PER2: variants seen among roughly 807,000 people sequenced by gnomAD.
PER2 encodes period circadian protein homolog 2.
A neutral mutation model predicts 121.0 loss-of-function variants in PER2; 66 were observed. That is an observed-to-expected ratio of 0.55 (90% confidence interval 0.45 to 0.67). PER2 has a LOEUF of 0.67. PER2 is among the 30% of genes least tolerant of loss of function. PER2 has a pLI of 0.00. For missense variants in PER2, 1,521 were observed against 1,635.0 expected, an observed-to-expected ratio of 0.93 and a Z score of 1.20; for synonymous variants, 684 against 659.9, an observed-to-expected ratio of 1.04 and a Z score of -0.56.
intron 1 of PER2, 59 bp downstream of exon 1, chr2:238,288,290 G>T (rs1685538538): frequency 6.6e-6 from 1 of 152,278 alleles, no homozygotes. Flanking sequence ...AATCGCCCAC[G>T]GAACCGCAGC....
chr2:238,262,897 G>A, intron 10 of PER2, 55 bp downstream of exon 10: 1 of 1,230,670 alleles, frequency 8.1e-7, no homozygotes, highest in South Asian at 1.2e-5. Flanking sequence ...GCAGCCCCAA[G>A]GACACAGGAA....
At position 238,260,894 on chromosome 2, in the gene PER2, C is replaced by G. The variant is rs1323067610; in HGVS notation, c.1476G>C (p.Glu492Asp). Residue 492 changes from glutamate (E) to aspartate (D), a missense_variant, in exon 13 of 23, where the codon GAG becomes GAC. By Grantham distance (45) the Glu-to-Asp change is conservative (BLOSUM62 2). Coordinates refer to ENST00000254657, the MANE Select transcript of PER2 (RefSeq NM_022817.3). ...YGSLGSNGSH[E>D]HLMSQTSSSD... is the part of the protein sequence containing the mutation. ...TGGAGGAGGTCTGGCTCATAAGGTG[C>G]TCGTGGGACCCGTTGCTGCCCAGAC... 1 of 1,613,826 alleles carries G rather than the reference C, an allele frequency of 6.2e-7. No individual in the cohort carries two copies.
In PER2 at chr2:238,255,771, T is replaced by C. The variant is rs780785126; in HGVS notation, c.2206A>G (p.Lys736Glu). Reference sequence around the variant, plus strand: ...TTCTGCAGGAAGCTCTGCTCCTCCTTCTGTGTGTGTGCAGCGAGTACCTCC... The same window carrying C: ...TTCTGCAGGAAGCTCTGCTCCTCCTCCTGTGTGTGTGCAGCGAGTACCTCC... ...TKEVLAAHTQ[K>E]EEQSFLQKFK... Residue 736 changes from lysine (K) to glutamate (E), a missense_variant, in exon 18 of 23, where the codon AAG becomes GAG. Physicochemically the swap from Lys to Glu is moderately conservative, Grantham distance 56. Coordinates refer to ENST00000254657, the MANE Select transcript of PER2 (RefSeq NM_022817.3). 3 of 1,614,222 alleles carry C rather than the reference T, an allele frequency of 1.9e-6. No individual in the cohort carries two copies. Among genetic ancestry groups the C allele is most frequent in the East Asian group, 2.2e-5 (1 of 44,886 alleles).
chr2:238,262,452 A>G (rs1695965101), intron 10 of PER2, 108 bp from the exon 11 acceptor site: 1 of 1,066,784 alleles, frequency 9.4e-7, no homozygotes, highest in Non-Finnish European at 1.4e-6. Flanking sequence ...TGCAAACTGT[A>G]GGGGTATGAA....
chr2:238,259,336 G>A (rs550315548), intron 14 of PER2, among the ~76,000 whole-genome samples: 8 of 152,346 alleles, frequency 5.3e-5, no homozygotes, highest in African/African-American at 1.7e-4. Context: ...GTGTGCACAC[G>A]TGTCTGTGTG....
intron 1 of PER2, among the ~76,000 whole-genome samples, chr2:238,281,980 C>T (rs1298210997): frequency 6.6e-6 from 1 of 152,202 alleles, no homozygotes; most frequent in African/African-American, 2.4e-5. Context: ...AGGAGCCAGC[C>T]TCCAATTCCA....
At chr2:238,247,571 G>C (rs1695481966) in intron 22 of PER2, 1 of 152,334 alleles carries the variant, frequency 6.6e-6, no homozygotes. Context: ...CTGCCATGCA[G>C]CAGCAGATTA....
At position 238,249,222 on chromosome 2, in the gene PER2, A is replaced by G; in HGVS notation, c.3468-10T>C. On this transcript the variant is annotated splice_polypyrimidine_tract_variant and intron_variant, in intron 21 of 22. Transcript: ENST00000254657. ...AACCGCTTCTAAATTTCTTCGCAAG[A>G]TATTTAGAAATCGGTAAGCTTTCAA... The G allele has an allele frequency of 6.2e-7, 1 of 1,612,514 alleles. No individual in the cohort carries two copies. Among genetic ancestry groups the G allele is most frequent in the East Asian group, 2.2e-5 (1 of 44,868 alleles).
At chr2:238,269,214 C>T (rs1050986120) in intron 6 of PER2, among the ~76,000 whole-genome samples, 1 of 152,246 alleles carries the variant, frequency 6.6e-6, no homozygotes. Flanking sequence ...AATTTTAGCA[C>T]CAGGAGGCTT....
upstream of PER2, among the ~76,000 whole-genome samples, chr2:238,294,022 GC>G (rs1169266458): frequency 2.0e-5 from 3 of 152,194 alleles, no homozygotes; most frequent in Non-Finnish European, 4.4e-5. Context: ...TGTCAAAAAT[GC>G]CTGCCCTGTC....
chr2:238,288,109 G>A (rs191854000), intron 1 of PER2, among the ~76,000 whole-genome samples: 1 of 152,260 alleles, frequency 6.6e-6, no homozygotes, highest in East Asian at 1.9e-4. Context: ...TCCAGGAAAA[G>A]CTCCTAGATC....
intron 21 of PER2, 101 bp from the exon 22 acceptor site, chr2:238,249,313 CA>C: frequency 7.9e-7 from 1 of 1,268,128 alleles, no homozygotes. Flanking sequence ...TTGTTTAATG[CA>C]AATTTCCTTT....
In PER2 at chr2:238,245,389, T is replaced by A. The variant is rs187828942; in HGVS notation, c.*986A>T. The A allele has an allele frequency of 1.0e-5, 4 of 392,224 alleles. No individual in the cohort carries two copies. Among genetic ancestry groups the A allele is most frequent in the African/African-American group, 8.3e-5 (4 of 48,462 alleles). 24.3% of individuals were successfully genotyped at this position (392,224 alleles called of 1,614,324 possible). On this transcript the variant is annotated 3_prime_UTR_variant, in exon 23 of 23. Transcript: ENST00000254657. The stretch of plus-strand genomic sequence containing the variant: ...GGGAGAGGTGAGCTCACTGCACCCC[T>A]GAAAATACAGATGCAGTCGCAAGCT...
chr2:238,263,101 G>T, intron 9 of PER2, 43 bp from the exon 10 acceptor site: 1 of 1,138,714 alleles, frequency 8.8e-7, no homozygotes, highest in Non-Finnish European at 1.3e-6. Flanking sequence ...CATCCAAACA[G>T]ATGAGGAGAT....
At chr2:238,276,552 G>T (rs918506264) in intron 3 of PER2, among the ~76,000 whole-genome samples, 7 of 152,340 alleles carry the variant, frequency 4.6e-5, no homozygotes, top group African/African-American at 1.7e-4. Context: ...GGACAGCAAA[G>T]TGACTTCCTG....
Position 238,246,278 on chromosome 2 carries a change from G to A in PER2, c.*97C>T, listed in dbSNP as rs1559319444. 6.9e-6 allele frequency: 6 copies of A among 864,464 alleles called. No homozygotes were observed. The highest frequency in any genetic ancestry group is 2.0e-5 in the South Asian group (1 of 50,140). 53.5% of individuals were successfully genotyped at this position (864,464 alleles called of 1,614,324 possible). ...AACAAAAAAAGCAACATGAGCATAT[G>A]TGTCCATTTCAGTGGAAACAGCCAT... On this transcript the variant is annotated 3_prime_UTR_variant, in exon 23 of 23. Coordinates refer to ENST00000254657, the MANE Select transcript of PER2 (RefSeq NM_022817.3).
intron 13 of PER2, 91 bp downstream of exon 13, chr2:238,260,737 C>A: frequency 1.4e-6 from 2 of 1,473,248 alleles, no homozygotes; most frequent in Non-Finnish European, 1.9e-6. Context: ...GAAGCCCCTC[C>A]TAACTGCCAA....
At position 238,271,327 on chromosome 2, in the gene PER2, T is replaced by C; in HGVS notation, c.757A>G (p.Met253Val). ...TSPYKLPLWSMCSGADSFTQE... is the reference protein window; with the variant it reads ...TSPYKLPLWSVCSGADSFTQE... ...ATAACCTCACCTGCTCCACTGCACA[T>C]GCTCCACAAGGGAAGCTTGTACGGG... The change falls in exon 6 of 23, where the codon ATG becomes GTG. Residue 253 changes from methionine (M) to valine (V), a missense_variant. Transcript: ENST00000254657. The C allele has an allele frequency of 6.2e-7, 1 of 1,613,802 alleles. No homozygotes were observed. The highest frequency in any genetic ancestry group is 8.5e-7 in the Non-Finnish European group (1 of 1,179,782).
At chr2:238,275,677 C>T in intron 4 of PER2, 66 bp downstream of exon 4, 1 of 1,520,966 alleles carries the variant, frequency 6.6e-7, no homozygotes, top group Non-Finnish European at 9.1e-7. Flanking sequence ...ACAATCCAAG[C>T]TATAATTTGG....
Sources: gnomAD v4.1 joint callset for allele counts (sites outside exome capture counted in the v4.1 genomes callset) on GRCh38, gnomAD v4.1.1 for gene constraint, MANE v1.5 for transcripts, NCBI Gene and HGNC (gene_info 2026-07-23, HGNC 2026-07-21) for gene names.